The following ANK2 variants were observed in gnomAD, a reference collection of about 807,000 sequenced individuals.
ANK2 encodes the protein ankyrin 2, also known as ankyrin-2.
Under a neutral mutation model 360.5 loss-of-function variants are expected in ANK2, and 83 were observed. That is an observed-to-expected ratio of 0.23 (90% confidence interval 0.19 to 0.28). The LOEUF (loss-of-function observed/expected upper bound fraction) is 0.28. Among genes scored for constraint, ANK2 ranks in the 10% least tolerant of loss-of-function variants. ANK2 has a pLI of 1.00. For missense variants in ANK2, 4,201 were observed against 4,795.7 expected (o/e 0.88, Z 3.66); for synonymous variants, 1,740 against 1,759.5 (o/e 0.99, Z 0.28).
chr4:112,840,589 G>T lies in ANK2; in HGVS notation c.-40+22325G>T, dbSNP rs935248837. 4.6e-5 allele frequency among the ~76,000 whole-genome samples: 7 copies of T among 152,290 alleles called. No homozygotes were observed. The South Asian group carries it at 6.2e-4, about 14-fold the overall frequency. On this transcript the variant is annotated intron_variant, in intron 1 of 30. Transcript: ENST00000503271. Reference sequence around the variant, plus strand: ...AGCCCCTGGGGTGTCCAAAGAGGAAGAATATAGCTGACAGCTAATACAATT... The same window carrying T: ...AGCCCCTGGGGTGTCCAAAGAGGAATAATATAGCTGACAGCTAATACAATT...
chr4:113,215,415 A>T (rs993171875), intron 4 of ANK2, among the ~76,000 whole-genome samples: 1 of 152,208 alleles, frequency 6.6e-6, no homozygotes, highest in Admixed American at 6.5e-5. Context: ...TCTAATCATT[A>T]GATATATTTG....
rs114489140 is a variant in ANK2 at position 112,930,566 on chromosome 4, C to T, written c.21+26052C>T. Among the ~76,000 whole-genome samples the T allele has an allele frequency of 8.6e-3, 1,307 of 151,568 alleles. 8 individuals carry two copies. The highest frequency in any genetic ancestry group is 0.013 in the Non-Finnish European group (910 of 67,890). ...GGAAGGCTGGATTTGACTTTGTAAA[C>T]GGTTAAAAAAAAAATGTAGGAGTAA... is the stretch of plus-strand genomic sequence containing the variant. On this transcript the variant is annotated intron_variant, in intron 2 of 30. Transcript: ENST00000503271.
intron 1 of ANK2, among the ~76,000 whole-genome samples, chr4:113,102,025 A>C (rs2092931138): frequency 2.0e-5 from 3 of 152,132 alleles, no homozygotes; most frequent in Admixed American, 6.6e-5. Context: ...TGGAGTTGTT[A>C]CTAAGTTTAA....
chr4:113,120,384 G>A (rs908704742), intron 1 of ANK2, among the ~76,000 whole-genome samples: 11 of 152,010 alleles, frequency 7.2e-5, no homozygotes, highest in African/African-American at 2.7e-4. Context: ...TTAGAATTGA[G>A]GAGGATGCCA....
At chr4:113,063,403 C>T (rs527599581) in intron 1 of ANK2, among the ~76,000 whole-genome samples, 39 of 152,218 alleles carry the variant, frequency 2.6e-4, no homozygotes, top group Admixed American at 2.1e-3. Flanking sequence ...TTGCCTTCTT[C>T]TCTGTGTCTA....
chr4:113,295,066 A>G (rs3025714), intron 22 of ANK2, among the ~76,000 whole-genome samples: 2,513 of 152,244 alleles, frequency 0.017, 74 homozygotes, highest in African/African-American at 0.056. Context: ...GGAATAATGT[A>G]TGTTTATTTT....
chr4:112,765,782 AT>A, the ANK2 span, among the ~76,000 whole-genome samples: 3 of 151,744 alleles, frequency 2.0e-5, no homozygotes, highest in Non-Finnish European at 4.4e-5. Context: ...ACTGTTCTAC[AT>A]CAGCATAGTA....
intron 2 of ANK2, among the ~76,000 whole-genome samples, chr4:112,962,076 T>A (rs1458172771): frequency 2.0e-5 from 3 of 152,138 alleles, no homozygotes; most frequent in Admixed American, 2.0e-4. Context: ...TTCTATTAAT[T>A]TTTGTCTTTG....
At chr4:113,334,600 A>G (rs2093180942) in intron 29 of ANK2, among the ~76,000 whole-genome samples, 2 of 140,850 alleles carry the variant, frequency 1.4e-5, no homozygotes, top group South Asian at 4.4e-4. Flanking sequence ...TAGATTAATT[A>G]ATCTATTACT....
intron 1 of ANK2, among the ~76,000 whole-genome samples, chr4:112,839,356 C>CTT (rs61695213): frequency 2.0e-5 from 3 of 147,070 alleles, no homozygotes; most frequent in African/African-American, 5.0e-5. Context: ...CAGGATCAGG[C>CTT]TTTTTTTTTT....
At chr4:112,728,915 G>A in the ANK2 span, among the ~76,000 whole-genome samples, 2 of 152,128 alleles carry the variant, frequency 1.3e-5, no homozygotes, top group African/African-American at 4.8e-5. Flanking sequence ...GGTGGCTCAA[G>A]CCTGTAATCC....
intron 1 of ANK2, among the ~76,000 whole-genome samples, chr4:113,140,542 G>A (rs768537514): frequency 2.6e-5 from 4 of 152,130 alleles, no homozygotes; most frequent in Non-Finnish European, 5.9e-5. Flanking sequence ...TTTGTGTGAT[G>A]TTCTTGAATA....
intron 2 of ANK2, among the ~76,000 whole-genome samples, chr4:112,994,526 A>G (rs2047891409): frequency 6.6e-6 from 1 of 152,268 alleles, no homozygotes; most frequent in Non-Finnish European, 1.5e-5. Context: ...AGTACTCAGA[A>G]TGTAAGTTTT....
At chr4:113,349,206 C>T (rs1005745376) in intron 36 of ANK2, among the ~76,000 whole-genome samples, 9 of 151,886 alleles carry the variant, frequency 5.9e-5, no homozygotes, top group Non-Finnish European at 1.3e-4. Context: ...ATATTTAAAG[C>T]AAATGTGTGT....
chr4:113,116,693 T>C (rs1421054697), intron 1 of ANK2, among the ~76,000 whole-genome samples: 2 of 152,116 alleles, frequency 1.3e-5, no homozygotes, highest in Non-Finnish European at 2.9e-5. Context: ...GTAACAGCAG[T>C]AGCACGGCAG....
intron 1 of ANK2, among the ~76,000 whole-genome samples, chr4:113,137,697 A>T (rs1460348571): frequency 6.6e-6 from 1 of 152,034 alleles, no homozygotes; most frequent in Non-Finnish European, 1.5e-5. Context: ...GATTAATTTT[A>T]TGTGGACCTA....
chr4:113,355,105 C>G lies in ANK2; in HGVS notation c.6487C>G (p.Gln2163Glu). The G allele has an allele frequency of 1.2e-6, 2 of 1,614,106 alleles. No individual in the cohort carries two copies. Among genetic ancestry groups the G allele is most frequent in the East Asian group, 4.5e-5 (2 of 44,852 alleles). The change falls in exon 38 of 46, where the codon CAG (glutamine) becomes GAG (glutamate). Residue 2163 changes from glutamine (Q) to glutamate (E), a missense_variant. This residue lies in a region of ANK2 where 2,642 missense variants were observed against 2,714.5 expected (regional missense o/e 0.97). Transcript: ENST00000357077. ...FRLSEETEKA[Q>E]LHLDQVLTSP... ...CCTGAGTGAGGAGACAGAAAAGGCACAGCTTCACTTAGACCAAGTACTCAC... is the reference window on the plus strand; with the variant it reads ...CCTGAGTGAGGAGACAGAAAAGGCAGAGCTTCACTTAGACCAAGTACTCAC...
chr4:112,811,050 C>T, the ANK2 span, among the ~76,000 whole-genome samples: 1 of 151,988 alleles, frequency 6.6e-6, no homozygotes, highest in South Asian at 2.1e-4. Context: ...ATTCTCCTGC[C>T]TCAGCCTCCC....
chr4:112,771,347 A>T, the ANK2 span, among the ~76,000 whole-genome samples: 3 of 149,954 alleles, frequency 2.0e-5, no homozygotes, highest in Non-Finnish European at 4.5e-5. Flanking sequence ...CGAACCCCCG[A>T]TCTCAGGTGA....
Sources: allele counts gnomAD v4.1 joint callset (sites outside exome capture counted in the v4.1 genomes callset), GRCh38; gene constraint gnomAD v4.1.1; regional missense constraint gnomAD v4.1.1; transcripts MANE v1.5; gene names NCBI Gene and HGNC (gene_info 2026-07-23, HGNC 2026-07-21).